The following CSMD3 variants were observed in gnomAD, a reference collection of about 807,000 sequenced individuals.
The protein encoded by CSMD3 is CUB and Sushi multiple domains 3, also known as CUB and sushi domain-containing protein 3.
Under a neutral mutation model 435.2 loss-of-function variants are expected in CSMD3, and 177 were observed. The observed-to-expected ratio is 0.41, with a 90% CI of 0.36 to 0.46. The LOEUF (loss-of-function observed/expected upper bound fraction) is 0.46. Among genes scored for constraint, CSMD3 ranks in the 20% least tolerant of loss-of-function variants. The pLI is 0.34. For missense variants in CSMD3, 4,265 were observed against 4,504.6 expected (o/e 0.95, Z 1.52); for synonymous variants, 1,656 against 1,520.5 (o/e 1.09, Z -2.07).
intron 3 of CSMD3, among the ~76,000 whole-genome samples, chr8:113,214,413 C>A (rs1264849684): frequency 6.6e-6 from 1 of 151,792 alleles, no homozygotes; most frequent in East Asian, 1.9e-4. Context: ...AATGCATGTT[C>A]GGTTATTTGA....
chr8:112,625,606 G>T (rs370024470), intron 22 of CSMD3, among the ~76,000 whole-genome samples: 2 of 152,094 alleles, frequency 1.3e-5, no homozygotes, highest in East Asian at 3.9e-4. Flanking sequence ...ACTGTTTGTC[G>T]ACTGATTAAA....
At chr8:112,920,991 G>A (rs1041743048) in intron 10 of CSMD3, among the ~76,000 whole-genome samples, 25 of 111,318 alleles carry the variant, frequency 2.2e-4, no homozygotes, top group South Asian at 5.7e-4. Context: ...ACACATACGC[G>A]CGCGCGCACA....
At chr8:112,655,463 CAT>C (rs2075233973) in intron 18 of CSMD3, among the ~76,000 whole-genome samples, 1 of 151,814 alleles carries the variant, frequency 6.6e-6, no homozygotes, top group Non-Finnish European at 1.5e-5. Flanking sequence ...TATAGCCACA[CAT>C]GTGCAAGATG....
intron 3 of CSMD3, among the ~76,000 whole-genome samples, chr8:113,270,925 T>C (rs1451925729): frequency 6.6e-6 from 1 of 151,620 alleles, no homozygotes; most frequent in African/African-American, 2.4e-5. Flanking sequence ...TGTATACATA[T>C]GTAACAAACT....
At chr8:112,298,926 C>A (rs1412029224) in intron 53 of CSMD3, among the ~76,000 whole-genome samples, 1 of 152,054 alleles carries the variant, frequency 6.6e-6, no homozygotes, top group Non-Finnish European at 1.5e-5. Context: ...GCATGCATAG[C>A]AGCTTTATTC....
intron 38 of CSMD3, among the ~76,000 whole-genome samples, chr8:112,374,108 C>T (rs1364713079): frequency 6.6e-6 from 1 of 152,126 alleles, no homozygotes; most frequent in African/African-American, 2.4e-5. Context: ...CTTGTTCGAT[C>T]TCCCACCATT....
rs145750770 is a variant in CSMD3, at chr8:112,556,888, C to T, written c.4109G>A (p.Gly1370Asp). 17 of 1,612,026 alleles carry T rather than the reference C, an allele frequency of 1.1e-5. No homozygotes were observed. Among genetic ancestry groups the T allele is most frequent in the Non-Finnish European group, 1.4e-5 (17 of 1,178,746 alleles). The change falls in exon 25 of 71, where the codon GGC becomes GAC. Residue 1370 changes from glycine (G) to aspartate (D), a missense_variant. This residue lies in a region of CSMD3 where 3,255 missense variants were observed against 3,380.2 expected (regional missense o/e 0.96). Transcript: ENST00000297405. ...AATGATGGTGCTACCAGCAAAGTGG[C>T]CTTGGTCACTGATCTTGTATCCAAA... ...PQFGYKISDQ[G>D]HFAGSTIIYG...
At chr8:113,179,912 T>C (rs1485175875) in intron 3 of CSMD3, among the ~76,000 whole-genome samples, 3 of 151,822 alleles carry the variant, frequency 2.0e-5, no homozygotes, top group Non-Finnish European at 2.9e-5. Flanking sequence ...CATGTATAGT[T>C]GCGAAAGGCA....
chr8:113,229,811 C>A (rs1000129383), intron 3 of CSMD3, among the ~76,000 whole-genome samples: 2 of 151,630 alleles, frequency 1.3e-5, no homozygotes, highest in African/African-American at 4.8e-5. Context: ...CCTCCTTACT[C>A]CCAGTCTCAG....
At chr8:113,043,192 G>T (rs867849655) in intron 5 of CSMD3, among the ~76,000 whole-genome samples, 3 of 152,114 alleles carry the variant, frequency 2.0e-5, no homozygotes, top group Admixed American at 6.5e-5. Flanking sequence ...CAAACATGCA[G>T]GGTCTGCAAG....
chr8:113,273,698 A>C (rs940037956), intron 3 of CSMD3, among the ~76,000 whole-genome samples: 1 of 152,174 alleles, frequency 6.6e-6, no homozygotes, highest in Non-Finnish European at 1.5e-5. Flanking sequence ...TCTACTGTCA[A>C]TGAGTATTTA....
chr8:112,600,061 G>A (rs1238622826), intron 22 of CSMD3, among the ~76,000 whole-genome samples: 3 of 151,760 alleles, frequency 2.0e-5, no homozygotes, highest in Admixed American at 2.0e-4. Flanking sequence ...GGTGACTGGG[G>A]TTTTAAAATG....
In CSMD3 at chr8:112,773,562, A is replaced by G. The variant is rs576999283; in HGVS notation, c.1972+26600T>C. Reference sequence around the variant, plus strand: ...TACAGCAAGACAACAGTGAAGGAGTATTTTTAAGAAACTTAAGGAAGTAAG... The same window carrying G: ...TACAGCAAGACAACAGTGAAGGAGTGTTTTTAAGAAACTTAAGGAAGTAAG... On this transcript the variant is annotated intron_variant, in intron 13 of 70. Transcript: ENST00000297405. 1.2e-3 allele frequency among the ~76,000 whole-genome samples: 190 copies of G among 152,162 alleles called. 1 individual carries two copies. Among genetic ancestry groups the G allele is most frequent in the Non-Finnish European group, 2.1e-3 (146 of 67,968 alleles).
chr8:112,295,767 C>T (rs1029469065), intron 54 of CSMD3, 66 bp downstream of exon 54: 1 of 1,357,988 alleles, frequency 7.4e-7, no homozygotes, highest in African/African-American at 1.4e-5. Flanking sequence ...ATTCATCTTG[C>T]CTAACAAAAA....
intron 10 of CSMD3, among the ~76,000 whole-genome samples, chr8:112,912,776 C>A (rs753324614): frequency 1.3e-5 from 2 of 151,788 alleles, no homozygotes; most frequent in African/African-American, 4.8e-5. Flanking sequence ...GGTGAAGAGA[C>A]AACATATGAA....
intron 6 of CSMD3, among the ~76,000 whole-genome samples, chr8:112,990,118 T>A (rs190759164): frequency 1.3e-5 from 2 of 151,990 alleles, no homozygotes; most frequent in Non-Finnish European, 2.9e-5. Flanking sequence ...TCAATTAAAA[T>A]TTTTCCTTTA....
chr8:112,689,759 A>G (rs1396099971), intron 14 of CSMD3, 109 bp downstream of exon 14: 2 of 872,594 alleles, frequency 2.3e-6, no homozygotes, highest in Non-Finnish European at 3.8e-6. Context: ...AGTGCTACTC[A>G]CTCAAAAATA....
rs531039088 is a variant in CSMD3 at position 112,667,655 on chromosome 8, T to C, written c.2678-1240A>G. 1.8e-3 allele frequency among the ~76,000 whole-genome samples: 271 copies of C among 152,172 alleles called. 1 individual carries two copies. Among genetic ancestry groups the C allele is most frequent in the Non-Finnish European group, 2.3e-3 (154 of 68,010 alleles). On this transcript the variant is annotated intron_variant, in intron 16 of 70. Transcript: ENST00000297405. ...CTCTAGCCTTGTCTCAGAACTCCCCTCCACTCTGCAGCCCAGCTACATTAG... is the reference window on the plus strand; with the variant it reads ...CTCTAGCCTTGTCTCAGAACTCCCCCCCACTCTGCAGCCCAGCTACATTAG...
intron 27 of CSMD3, among the ~76,000 whole-genome samples, chr8:112,525,853 T>C (rs1196677899): frequency 7.0e-6 from 1 of 143,364 alleles, no homozygotes; most frequent in Non-Finnish European, 1.5e-5. Context: ...ACAGGGTCTT[T>C]ATATATATAG....
Sources: gnomAD v4.1 joint callset for allele counts (sites outside exome capture counted in the v4.1 genomes callset) on GRCh38, gnomAD v4.1.1 for gene constraint, gnomAD v4.1.1 regional missense constraint, MANE v1.5 for transcripts, NCBI Gene and HGNC (gene_info 2026-07-23, HGNC 2026-07-21) for gene names.